The following SAMD4A variants were observed in gnomAD, a reference collection of about 807,000 sequenced individuals.
SAMD4A encodes sterile alpha motif domain containing 4A, also known as protein Smaug homolog 1.
A neutral mutation model predicts 81.3 loss-of-function variants in SAMD4A; 33 were observed. The observed-to-expected ratio is 0.41, with a 90% CI of 0.31 to 0.54. The LOEUF is 0.54. SAMD4A is among the 20% of genes least tolerant of loss of function. SAMD4A has a pLI of 0.37. For missense variants in SAMD4A, 854 were observed against 951.1 expected, an observed-to-expected ratio of 0.90 and a Z score of 1.34; for synonymous variants, 389 against 382.1, an observed-to-expected ratio of 1.02 and a Z score of -0.21.
At chr14:54,740,304 T>C (rs1480732101) in intron 4 of SAMD4A, among the ~76,000 whole-genome samples, 1 of 152,152 alleles carries the variant, frequency 6.6e-6, no homozygotes, top group African/African-American at 2.4e-5. Flanking sequence ...TTGGCAGGAG[T>C]GTCAGCTGTT....
chr14:54,716,101 A>G (rs546188465), intron 3 of SAMD4A, among the ~76,000 whole-genome samples: 162 of 152,354 alleles, frequency 1.1e-3, no homozygotes, highest in Non-Finnish European at 1.5e-3. Flanking sequence ...CTTTGTTTTA[A>G]GAGATCTGAT....
intron 2 of SAMD4A, among the ~76,000 whole-genome samples, chr14:54,628,550 T>A (rs2034820468): frequency 6.6e-6 from 1 of 152,132 alleles, no homozygotes; most frequent in South Asian, 2.1e-4. Context: ...GCATGCTCTG[T>A]CCCCAAGAAT....
intron 3 of SAMD4A, among the ~76,000 whole-genome samples, chr14:54,709,659 G>A (rs1376942288): frequency 6.6e-6 from 1 of 152,142 alleles, no homozygotes; most frequent in East Asian, 1.9e-4. Context: ...ACAAGAATGT[G>A]TGTGTTCTTC....
intron 4 of SAMD4A, among the ~76,000 whole-genome samples, chr14:54,740,439 A>G (rs957996629): frequency 6.6e-6 from 1 of 152,250 alleles, no homozygotes; most frequent in Non-Finnish European, 1.5e-5. Context: ...TCAAATCCAT[A>G]TGGAATGTGT....
intron 3 of SAMD4A, among the ~76,000 whole-genome samples, chr14:54,724,926 G>A (rs1020478281): frequency 5.9e-5 from 9 of 152,174 alleles, no homozygotes; most frequent in Admixed American, 6.5e-5. Context: ...GTGTGAGAGA[G>A]AACCGCACTG....
chr14:54,749,090 T>C (rs2038035400), intron 5 of SAMD4A, among the ~76,000 whole-genome samples, 166 bp downstream of exon 5: 1 of 152,066 alleles, frequency 6.6e-6, no homozygotes. Context: ...CAAAACTGGG[T>C]GGATTCTTGC....
chr14:54,582,100 AT>A (rs2033485051), intron 2 of SAMD4A, among the ~76,000 whole-genome samples: 1 of 152,186 alleles, frequency 6.6e-6, no homozygotes, highest in African/African-American at 2.4e-5. Context: ...AAATATTGAA[AT>A]TCTGAGCTAT....
At chr14:54,766,562 CTGG>C (rs1415697697) in intron 8 of SAMD4A, among the ~76,000 whole-genome samples, 4 of 152,152 alleles carry the variant, frequency 2.6e-5, no homozygotes, top group Non-Finnish European at 5.9e-5. Flanking sequence ...AGCGAGAGTC[CTGG>C]TGGTACAGAC....
chr14:54,616,946 A>G (rs2034505218), intron 2 of SAMD4A, among the ~76,000 whole-genome samples: 1 of 152,230 alleles, frequency 6.6e-6, no homozygotes, highest in Admixed American at 6.5e-5. Flanking sequence ...TGAAAGCTGA[A>G]GAAGCCTGGA....
In SAMD4A at chr14:54,702,270, T is replaced by C. The variant is rs1228213009; in HGVS notation, c.405T>C (p.Thr135=). The C allele has an allele frequency of 6.2e-7, 1 of 1,614,076 alleles. No individual in the cohort carries two copies. The highest frequency in any genetic ancestry group is 2.2e-5 in the East Asian group (1 of 44,900). Residue 135 remains threonine, a synonymous_variant, in exon 3 of 13, where the codon ACT becomes ACC. Transcript: ENST00000554335. The part of the protein sequence containing the change: ...LLSYALIHPA[T]SLEDRSALAM... The stretch of plus-strand genomic sequence containing the variant: ...CCTATGCTTTGATACATCCAGCCAC[T>C]TCGTTAGAAGACCGTAGTGCTTTAG...
intron 3 of SAMD4A, among the ~76,000 whole-genome samples, chr14:54,705,129 T>G (rs2036820503): frequency 6.6e-6 from 1 of 152,214 alleles, no homozygotes. Flanking sequence ...AATAAGATTA[T>G]GTAAATGCCC....
intron 2 of SAMD4A, chr14:54,687,462 G>C: frequency 9.6e-6 from 4 of 417,782 alleles, no homozygotes; most frequent in South Asian, 5.2e-5. Context: ...ACAAAAAAAG[G>C]CAGCCAAAAA....
intron 6 of SAMD4A, among the ~76,000 whole-genome samples, chr14:54,757,179 G>A (rs1019510979): frequency 6.6e-6 from 1 of 152,172 alleles, no homozygotes; most frequent in Non-Finnish European, 1.5e-5. Context: ...ATTTTTAAGT[G>A]TCAGGAACAT....
chr14:54,604,013 C>T (rs879372287), intron 2 of SAMD4A, among the ~76,000 whole-genome samples: 6 of 151,922 alleles, frequency 3.9e-5, no homozygotes, highest in Admixed American at 2.0e-4. Flanking sequence ...TTAGTAGAGA[C>T]GGGGTTTCTC....
intron 2 of SAMD4A, among the ~76,000 whole-genome samples, chr14:54,678,668 C>A (rs963053487): frequency 1.3e-5 from 2 of 151,080 alleles, no homozygotes; most frequent in Non-Finnish European, 1.5e-5. Context: ...CCTGCCTCAG[C>A]CTCCTGAGTA....
intron 7 of SAMD4A, among the ~76,000 whole-genome samples, chr14:54,762,555 TGA>T (rs1275693843): frequency 6.6e-6 from 1 of 151,792 alleles, no homozygotes; most frequent in Non-Finnish European, 1.5e-5. Flanking sequence ...TCCCCATGGG[TGA>T]AGACACAGCT....
At chr14:54,689,077 G>A (rs1355043392) in intron 2 of SAMD4A, among the ~76,000 whole-genome samples, 5 of 151,724 alleles carry the variant, frequency 3.3e-5, no homozygotes, top group African/African-American at 7.3e-5. Context: ...GATTAAAGGC[G>A]CCCGCCACCA....
chr14:54,779,674 CA>C (rs2038950730), intron 11 of SAMD4A, among the ~76,000 whole-genome samples: 1 of 138,554 alleles, frequency 7.2e-6, no homozygotes, highest in African/African-American at 2.6e-5. Context: ...CCCACATGGA[CA>C]AGCTTTTTTT....
chr14:54,736,989 G>T, intron 3 of SAMD4A, 35 bp from the exon 4 acceptor site: 1 of 1,606,746 alleles, frequency 6.2e-7, no homozygotes, highest in Non-Finnish European at 8.5e-7. Context: ...ATAAAGGGGG[G>T]GGAATAACCT....
Sources: gnomAD v4.1 joint callset for allele counts (sites outside exome capture counted in the v4.1 genomes callset) on GRCh38, gnomAD v4.1.1 for gene constraint, MANE v1.5 for transcripts, NCBI Gene and HGNC (gene_info 2026-07-23, HGNC 2026-07-21) for gene names.